Variants in ACTL8 observed in about 807,000 individuals in gnomAD.
The protein encoded by ACTL8 is actin-like protein 8.
Under a neutral mutation model 9.3 loss-of-function variants are expected in ACTL8, and 3 were observed. The ratio of observed to expected loss-of-function variants is 0.32; its 90% CI spans 0.15 to 0.83. The LOEUF is 0.83. Among genes scored for constraint, ACTL8 ranks in the 40% least tolerant of loss-of-function variants. The pLI is 0.57. For missense variants in ACTL8, 381 were observed against 492.2 expected (o/e 0.77, Z 2.14); for synonymous variants, 224 against 205.9 (o/e 1.09, Z -0.75).
At chr1:17,820,815 G>A (rs552474243) in intron 1 of ACTL8, among the ~76,000 whole-genome samples, 2 of 152,232 alleles carry the variant, frequency 1.3e-5, no homozygotes, top group South Asian at 4.2e-4. Flanking sequence ...GACCTCAGGT[G>A]ATCTGCCCGT....
intron 1 of ACTL8, among the ~76,000 whole-genome samples, chr1:17,771,565 C>A (rs956469671): frequency 6.6e-6 from 1 of 152,078 alleles, no homozygotes; most frequent in Non-Finnish European, 1.5e-5. Context: ...GCATATAAAC[C>A]GTTACTACCA....
At chr1:17,789,878 C>T (rs1453701894) in intron 1 of ACTL8, among the ~76,000 whole-genome samples, 18 of 152,216 alleles carry the variant, frequency 1.2e-4, no homozygotes, top group Admixed American at 1.1e-3. Context: ...GCTGGTGGCA[C>T]CTTTGCCTGA....
intron 1 of ACTL8, among the ~76,000 whole-genome samples, chr1:17,761,079 G>A (rs2065998669): frequency 6.6e-6 from 1 of 152,064 alleles, no homozygotes; most frequent in Admixed American, 6.5e-5. Flanking sequence ...CACTGCAGAG[G>A]GAGGAAAGAG....
chr1:17,762,403 C>G (rs1343178386), intron 1 of ACTL8, among the ~76,000 whole-genome samples: 1 of 152,100 alleles, frequency 6.6e-6, no homozygotes, highest in Non-Finnish European at 1.5e-5. Context: ...GCCCCACCCC[C>G]TGGGCCATTT....
intron 1 of ACTL8, among the ~76,000 whole-genome samples, chr1:17,771,654 T>C (rs529485206): frequency 6.6e-6 from 1 of 151,698 alleles, no homozygotes; most frequent in African/African-American, 2.4e-5. Context: ...GACAGGGAGG[T>C]AGATTTTTGG....
intron 1 of ACTL8, among the ~76,000 whole-genome samples, chr1:17,814,898 G>A (rs1351101687): frequency 6.6e-6 from 1 of 152,002 alleles, no homozygotes; most frequent in Non-Finnish European, 1.5e-5. Flanking sequence ...ACAGTATTTA[G>A]TACAATAACA....
Position 17,802,424 on chromosome 1 carries a change from CGTGT to C in ACTL8, c.-24-20536_-24-20533del, listed in dbSNP as rs72387933. Among the ~76,000 whole-genome samples the C allele has an allele frequency of 1.2e-3, 176 of 146,618 alleles. 1 individual carries two copies. The highest frequency in any genetic ancestry group is 3.2e-3 in the African/African-American group (128 of 39,854). On this transcript the variant is annotated intron_variant, in intron 1 of 2. Coordinates refer to ENST00000375406, the MANE Select transcript of ACTL8 (RefSeq NM_030812.3). ...AGCAGATCCCGGATGACTGTGCGTGCGTGTGTGTGTGTGTGTGTGTGTGTGTGTT... is the reference window on the plus strand; with the variant it reads ...AGCAGATCCCGGATGACTGTGCGTGCGTGTGTGTGTGTGTGTGTGTGTGTT...
At chr1:17,771,823 G>A (rs4920635) in intron 1 of ACTL8, among the ~76,000 whole-genome samples, 42,331 of 151,932 alleles carry the variant, frequency 0.28, 6,541 homozygotes, top group Admixed American at 0.37. Flanking sequence ...GGACACTGAG[G>A]TGCTGGGGTC....
At chr1:17,783,052 C>A (rs1027478014) in intron 1 of ACTL8, among the ~76,000 whole-genome samples, 18 of 152,188 alleles carry the variant, frequency 1.2e-4, no homozygotes, top group Non-Finnish European at 1.8e-4. Context: ...CTGAAGTGGG[C>A]CCCATAGGCC....
At chr1:17,822,862 G>A (rs1396367428) in intron 1 of ACTL8, 123 bp from the exon 2 acceptor site, 7 of 660,648 alleles carry the variant, frequency 1.1e-5, no homozygotes, top group Admixed American at 2.9e-5. Context: ...TTGTGTAAAG[G>A]CTTGGAAGGG....
intron 1 of ACTL8, among the ~76,000 whole-genome samples, chr1:17,755,833 G>T (rs1459338330): frequency 2.0e-5 from 3 of 151,728 alleles, no homozygotes; most frequent in African/African-American, 7.3e-5. Flanking sequence ...CCTGGAGGGG[G>T]TTATCTCAGC....
chr1:17,769,421 G>A (rs764047090), intron 1 of ACTL8, among the ~76,000 whole-genome samples: 1 of 152,188 alleles, frequency 6.6e-6, no homozygotes, highest in Non-Finnish European at 1.5e-5. Context: ...CCTTAGACAC[G>A]TTTGTAGCTG....
Position 17,826,042 on chromosome 1 carries a change from G to A in ACTL8, c.624G>A (p.Gln208=), listed in dbSNP as rs1030239557. Residue 208 remains glutamine, a synonymous_variant, in exon 3 of 3, where the codon CAG becomes CAA. Coordinates refer to ENST00000375406, the MANE Select transcript of ACTL8 (RefSeq NM_030812.3). The surrounding 1 kb of genome is among the most constrained non-coding windows in gnomAD (Gnocchi z 4.5). The stretch of plus-strand genomic sequence containing the variant: ...AGCTGGAGACAGTCGCCGTGACTCA[G>A]ATGAACAAGTGCTACGTGCCGCAGA... ...LFQLETVAVT[Q]MNKCYVPQNL... 11 of 1,606,570 alleles carry A rather than the reference G, an allele frequency of 6.8e-6. No individual in the cohort carries two copies. In the Admixed American group the frequency reaches 8.3e-5, roughly 12 times the overall value.
chr1:17,762,461 A>T (rs2066013238), intron 1 of ACTL8, among the ~76,000 whole-genome samples: 1 of 152,046 alleles, frequency 6.6e-6, no homozygotes, highest in Non-Finnish European at 1.5e-5. Flanking sequence ...ACCGAGAGTC[A>T]GCTGTTAAAA....
At chr1:17,765,125 T>C (rs897779076) in intron 1 of ACTL8, among the ~76,000 whole-genome samples, 1 of 152,166 alleles carries the variant, frequency 6.6e-6, no homozygotes, top group Non-Finnish European at 1.5e-5. Flanking sequence ...CGCTTCCTTC[T>C]TTGAGATGAG....
intron 1 of ACTL8, among the ~76,000 whole-genome samples, chr1:17,758,822 A>G (rs1007167956): frequency 1.3e-5 from 2 of 152,198 alleles, no homozygotes; most frequent in African/African-American, 4.8e-5. Context: ...TCCTGAATAA[A>G]CAATTAGAGT....
In ACTL8 at chr1:17,825,934, G is replaced by A. The variant is rs780425746; in HGVS notation, c.516G>A (p.Thr172=). The A allele has an allele frequency of 9.3e-6, 15 of 1,611,674 alleles. No individual in the cohort carries two copies. The East Asian group carries it at 2.0e-4, about 22-fold the overall frequency. ...GCCCCTTGCCCGCCAGCGGCAAGAC[G>A]CTGGAGTTCGCCGGCCAGGATCTCT... The part of the protein sequence containing the change: ...QGRPLPASGK[T]LEFAGQDLSA... Residue 172 remains threonine, a synonymous_variant, in exon 3 of 3, where the codon ACG becomes ACA. Transcript: ENST00000375406.
At chr1:17,769,644 A>G (rs889900890) in intron 1 of ACTL8, among the ~76,000 whole-genome samples, 1 of 152,122 alleles carries the variant, frequency 6.6e-6, no homozygotes, top group African/African-American at 2.4e-5. Context: ...GGGGCCCTCC[A>G]GGAGAGACAG....
intron 2 of ACTL8, among the ~76,000 whole-genome samples, chr1:17,824,740 T>A (rs2053699513): frequency 1.3e-5 from 2 of 152,200 alleles, no homozygotes; most frequent in Admixed American, 1.3e-4. Flanking sequence ...ACCCTTACTG[T>A]CTATCCCTTT....
Sources: gnomAD v4.1 joint callset for allele counts (sites outside exome capture counted in the v4.1 genomes callset) on GRCh38, gnomAD v4.1.1 for gene constraint, Gnocchi (gnomAD v3.1) non-coding constraint, MANE v1.5 for transcripts, NCBI Gene and HGNC (gene_info 2026-07-23, HGNC 2026-07-21) for gene names.